SUV39H2: variants seen among roughly 807,000 people sequenced by gnomAD.
The protein encoded by SUV39H2 is SUV39H2 histone lysine methyltransferase.
Under a neutral mutation model 47.5 loss-of-function variants are expected in SUV39H2, and 10 were observed. The ratio of observed to expected loss-of-function variants is 0.21; its 90% CI spans 0.13 to 0.36. The LOEUF (loss-of-function observed/expected upper bound fraction) is 0.36, where lower values mean the gene tolerates loss of function less well. Among genes scored for constraint, SUV39H2 ranks in the 10% least tolerant of loss-of-function variants. SUV39H2 has a pLI of 1.00. For missense variants in SUV39H2, 266 were observed against 487.4 expected (o/e 0.55, Z 4.28); for synonymous variants, 159 against 166.8 (o/e 0.95, Z 0.36).
At chr10:14,890,471 C>T (rs941162871) in intron 2 of SUV39H2, among the ~76,000 whole-genome samples, 5 of 152,204 alleles carry the variant, frequency 3.3e-5, no homozygotes, top group African/African-American at 1.2e-4. Context: ...TGGCTCACTG[C>T]AGCCTTGACA....
intron 2 of SUV39H2, among the ~76,000 whole-genome samples, chr10:14,886,408 G>A (rs1225065374): frequency 6.6e-6 from 1 of 152,118 alleles, no homozygotes; most frequent in Non-Finnish European, 1.5e-5. Context: ...AGAACTTGTC[G>A]CACTTTATGG....
chr10:14,899,808 A>G, intron 4 of SUV39H2, 123 bp downstream of exon 4: 1 of 1,187,908 alleles, frequency 8.4e-7, no homozygotes, highest in Non-Finnish European at 1.2e-6. Flanking sequence ...TATGTATTTT[A>G]TAAGGAGGGC....
rs539564816 is a variant in SUV39H2, at chr10:14,881,955, T to C, written c.177+310T>C. Among the ~76,000 whole-genome samples, 6 of 152,352 alleles carry C rather than the reference T, an allele frequency of 3.9e-5. No homozygotes were observed. The South Asian group carries it at 1.2e-3, about 32-fold the overall frequency. ...TGTCTTTCGTTTTGTTCGTGGATCG[T>C]ATTTCCCCACTATCACCTGAAATGA... On this transcript the variant is annotated intron_variant, in intron 2 of 5. Coordinates refer to ENST00000354919, the MANE Select transcript of SUV39H2 (RefSeq NM_001193424.2).
intron 2 of SUV39H2, among the ~76,000 whole-genome samples, chr10:14,891,605 AGATG>A (rs1360782929): frequency 6.6e-6 from 1 of 152,204 alleles, no homozygotes; most frequent in African/African-American, 2.4e-5. Context: ...ATAGAAATAG[AGATG>A]GACAGGAAGA....
chr10:14,892,331 A>G lies in SUV39H2; in HGVS notation c.178-4515A>G, dbSNP rs372761423. On this transcript the variant is annotated intron_variant, in intron 2 of 5. Transcript: ENST00000354919. ...AGAACTTTAAGAACCACCGGCCTACAATAAAGTTCAAGTGTCTCAGTGAAG... is the reference window on the plus strand; with the variant it reads ...AGAACTTTAAGAACCACCGGCCTACGATAAAGTTCAAGTGTCTCAGTGAAG... Among the ~76,000 whole-genome samples, 74 of 152,368 alleles carry G rather than the reference A, an allele frequency of 4.9e-4. No homozygotes were observed. The South Asian group carries it at 0.015, about 30-fold the overall frequency.
rs748476490 is a variant in SUV39H2, at chr10:14,902,546, AT to A, written c.*41del. The A allele has an allele frequency of 4.5e-6, 6 of 1,347,598 alleles. No individual in the cohort carries two copies. Among genetic ancestry groups the A allele is most frequent in the African/African-American group, 3.0e-5 (2 of 66,910 alleles). 83.5% of individuals were successfully genotyped at this position (1,347,598 alleles called of 1,614,324 possible). A position where few individuals can be genotyped will look rare whatever the true frequency, so the allele number is the denominator to read the frequency against. On this transcript the variant is annotated 3_prime_UTR_variant, in exon 6 of 6. Transcript: ENST00000354919. The stretch of plus-strand genomic sequence containing the variant: ...AGGAAATAGAGCTGATGATTATAAT[AT>A]TTTTTTCCTAATGTTAACATTTTTA...
At chr10:14,896,067 C>T (rs574725571) in intron 2 of SUV39H2, among the ~76,000 whole-genome samples, 16 of 152,028 alleles carry the variant, frequency 1.1e-4, no homozygotes, top group Non-Finnish European at 2.2e-4. Context: ...CCTCACCCTC[C>T]CTAGTACTGG....
intron 2 of SUV39H2, among the ~76,000 whole-genome samples, chr10:14,893,377 C>A (rs572991903): frequency 5.2e-4 from 79 of 152,242 alleles, no homozygotes; most frequent in African/African-American, 1.7e-3. Flanking sequence ...CGTGATTCAC[C>A]CGCCTTGGCC....
intron 2 of SUV39H2, among the ~76,000 whole-genome samples, chr10:14,884,357 A>G (rs1833139878): frequency 6.6e-6 from 1 of 152,178 alleles, no homozygotes; most frequent in Admixed American, 6.5e-5. Flanking sequence ...TTTTGATGAT[A>G]GTTTTCCTAG....
At chr10:14,897,748 A>G (rs1833687167) in intron 3 of SUV39H2, 3 of 308,014 alleles carry the variant, frequency 9.7e-6, no homozygotes, top group East Asian at 5.3e-5. Context: ...TCATCTTTCA[A>G]CAAATACACA....
intron 2 of SUV39H2, among the ~76,000 whole-genome samples, chr10:14,884,712 C>A (rs1833150617): frequency 6.6e-6 from 1 of 152,148 alleles, no homozygotes; most frequent in Non-Finnish European, 1.5e-5. Flanking sequence ...TCAACTTTTC[C>A]CCATTTAACA....
chr10:14,897,116 C>A lies in SUV39H2; in HGVS notation c.448C>A (p.His150Asn). The change falls in exon 3 of 6, where the codon CAT (histidine) becomes AAT (asparagine). Residue 150 changes from histidine to asparagine, a missense_variant. Physicochemically the swap from His to Asn is moderately conservative, Grantham distance 68 (BLOSUM62 1). This residue lies in a region of SUV39H2 where 91 missense variants were observed against 110.9 expected (regional missense o/e 0.82). Coordinates refer to ENST00000354919, the MANE Select transcript of SUV39H2 (RefSeq NM_001193424.2). ...AGATGAACTCAACAGAAGAAAGAAT[C>A]ATAAAGGAATGATATTTGTTGAAAA... ...WQDELNRRKN[H>N]KGMIFVENTV... 6.2e-7 allele frequency: 1 copy of A among 1,613,690 alleles called. No individual in the cohort carries two copies. Among genetic ancestry groups the A allele is most frequent in the Non-Finnish European group, 8.5e-7 (1 of 1,179,858 alleles).
At position 14,902,560 on chromosome 10, in the gene SUV39H2, G is replaced by T; in HGVS notation, c.*48G>T. ...ATGATTATAATATTTTTTTCCTAAT[G>T]TTAACATTTTTAAAAATACATATTT... On this transcript the variant is annotated 3_prime_UTR_variant, in exon 6 of 6. Transcript: ENST00000354919. 8.1e-7 allele frequency: 1 copy of T among 1,230,584 alleles called. No individual in the cohort carries two copies. The highest frequency in any genetic ancestry group is 1.1e-6 in the Non-Finnish European group (1 of 894,520). The allele number at this position is 1,230,584 out of a possible 1,614,324, so 76.2% of individuals were successfully genotyped here. A position where few individuals can be genotyped will look rare whatever the true frequency, so the allele number is the denominator to read the frequency against.
chr10:14,894,622 C>T (rs1373155269), intron 2 of SUV39H2, among the ~76,000 whole-genome samples: 2 of 57,564 alleles, frequency 3.5e-5, no homozygotes, highest in Non-Finnish European at 5.8e-5. Context: ...CCGCCTCGGC[C>T]TCCCAAAGTG....
At chr10:14,888,097 C>T (rs1389724696) in intron 2 of SUV39H2, among the ~76,000 whole-genome samples, 3 of 152,050 alleles carry the variant, frequency 2.0e-5, no homozygotes, top group South Asian at 2.1e-4. Context: ...CTCTTAAGGG[C>T]GTAGAGAACC....
chr10:14,885,627 G>A (rs998965288), intron 2 of SUV39H2, among the ~76,000 whole-genome samples: 8 of 151,984 alleles, frequency 5.3e-5, no homozygotes, highest in South Asian at 2.1e-4. Context: ...TTCTTGCTTC[G>A]GAATAAGTGA....
At position 14,887,193 on chromosome 10, in the gene SUV39H2, C is replaced by T. The variant is rs1833238111; in HGVS notation, c.177+5548C>T. 2.0e-5 allele frequency among the ~76,000 whole-genome samples: 3 copies of T among 152,044 alleles called. No homozygotes were observed. The South Asian group carries it at 6.2e-4, about 32-fold the overall frequency. On this transcript the variant is annotated intron_variant, in intron 2 of 5. Transcript: ENST00000354919. ...CAGACCAGAAACAATGGTGCTTGGA[C>T]TAAAGTATTAACGATGTCAAGGAAA...
chr10:14,883,704 C>CAAAAAAAAAAAAAAAAAAAAA (rs58522342), intron 2 of SUV39H2, among the ~76,000 whole-genome samples: 5 of 50,060 alleles, frequency 1.0e-4, no homozygotes, highest in East Asian at 3.9e-4. Context: ...GACTCAGTCT[C>CAAAAAAAAAAAAAAAAAAAAA]AAAAAAAAAA....
At chr10:14,899,516 T>C (rs1833849255) in intron 3 of SUV39H2, 23 bp from the exon 4 acceptor site, 14 of 1,612,694 alleles carry the variant, frequency 8.7e-6, no homozygotes, top group Non-Finnish European at 1.2e-5. Flanking sequence ...CTACGTAATA[T>C]ACTTACAGTT....
Sources: gnomAD v4.1 joint callset for allele counts (sites outside exome capture counted in the v4.1 genomes callset) on GRCh38, gnomAD v4.1.1 for gene constraint, gnomAD v4.1.1 regional missense constraint, MANE v1.5 for transcripts, NCBI Gene and HGNC (gene_info 2026-07-23, HGNC 2026-07-21) for gene names.